RFPL3: variants seen among roughly 807,000 people sequenced by gnomAD.
The protein encoded by RFPL3 is ret finger protein-like 3.
Under a neutral mutation model 8.7 loss-of-function variants are expected in RFPL3, and 8 were observed. That is an observed-to-expected ratio of 0.92 (90% CI 0.54 to 1.66). RFPL3 has a LOEUF of 1.66. Among genes scored for constraint, RFPL3 ranks in the 40% most tolerant of loss-of-function variants. The probability of loss-of-function intolerance (pLI) is 0.00; values close to 1 mark genes in which losing one functional copy is unlikely to be tolerated. For missense variants in RFPL3, 341 were observed against 395.0 expected (o/e 0.86, Z 1.16); for synonymous variants, 145 against 150.5 (o/e 0.96, Z 0.27).
chr22:32,357,347 GT>G (rs768179168), upstream of RFPL3, among the ~76,000 whole-genome samples: 3 of 152,056 alleles, frequency 2.0e-5, no homozygotes, highest in Non-Finnish European at 4.4e-5. Context: ...TTTTTGTATT[GT>G]TTGTAGAGAT....
At chr22:32,357,249 T>C (rs1176607152), upstream of RFPL3, among the ~76,000 whole-genome samples, 3 of 151,468 alleles carry the variant, frequency 2.0e-5, no homozygotes, top group Non-Finnish European at 4.4e-5. Flanking sequence ...GGATGTAATT[T>C]TTTTTCTTTT....
chr22:32,357,722 C>T (rs1932715404), upstream of RFPL3: 16 of 462,456 alleles, frequency 3.5e-5, no homozygotes, highest in South Asian at 7.5e-4. Context: ...CCACCTTGGC[C>T]TCCCGAAGTG....
upstream of RFPL3, among the ~76,000 whole-genome samples, chr22:32,356,195 A>C (rs574335441): frequency 3.0e-4 from 46 of 152,252 alleles, no homozygotes; most frequent in African/African-American, 1.0e-3. Flanking sequence ...TTCAAGGCTA[A>C]AGAAACAGAG....
upstream of RFPL3, among the ~76,000 whole-genome samples, chr22:32,357,470 CCCT>C: frequency 7.2e-6 from 1 of 138,166 alleles, no homozygotes; most frequent in Middle Eastern, 3.8e-3. Context: ...GCATCCAGCC[CCCT>C]TTTTTTTTTT....
At position 32,360,697 on chromosome 22, in the gene RFPL3, C is replaced by G. The variant is rs61729165; in HGVS notation, c.819C>G (p.Val273=). The G allele has an allele frequency of 2.6e-6, 4 of 1,528,980 alleles. No individual in the cohort carries two copies. The highest frequency in any genetic ancestry group is 1.8e-4 in the Middle Eastern group (1 of 5,714). 94.7% of individuals were successfully genotyped at this position (1,528,980 alleles called of 1,614,324 possible). A position where few individuals can be genotyped will look rare whatever the true frequency, so the allele number is the denominator to read the frequency against. ...CCCATGTCTATACATTCAGGAGCGT[C>G]TCTGCTGAGGAGCCACTGCGCCCAT... ...SGSHVYTFRS[V]SAEEPLRPFL... Residue 273 remains valine (V), a synonymous_variant, in exon 2 of 2, where the codon GTC becomes GTG. Coordinates refer to ENST00000249007, the MANE Select transcript of RFPL3 (RefSeq NM_001098535.1).
rs1482464034 is a variant in RFPL3, at chr22:32,358,029, C to G, written c.-43C>G. On this transcript the variant is annotated 5_prime_UTR_variant, in exon 1 of 2. Coordinates refer to ENST00000249007, the MANE Select transcript of RFPL3 (RefSeq NM_001098535.1). ...GTGCTTGAGTGTTTGTACTCATGGT[C>G]TTGTTCTCGGAGTGACAAAGCTGGA... 6.3e-7 allele frequency: 1 copy of G among 1,590,792 alleles called. No individual in the cohort carries two copies. Among genetic ancestry groups the G allele is most frequent in the Admixed American group, 1.7e-5 (1 of 58,700 alleles).
At position 32,358,444 on chromosome 22, in the gene RFPL3, G is replaced by C; in HGVS notation, c.373G>C (p.Val125Leu). The change falls in exon 1 of 2, where the codon GTG (valine) becomes CTG (leucine). Residue 125 changes from valine to leucine, a missense_variant and splice_region_variant. Physicochemically the swap from Val to Leu is conservative, Grantham distance 32 (BLOSUM62 1). Coordinates refer to ENST00000249007, the MANE Select transcript of RFPL3 (RefSeq NM_001098535.1). ...GAACCCAAGGATGCGGAAGTTCCAA[G>C]GTAAGGAATCTGTATACCCTGCCCC... Reference protein sequence around the residue: ...QMNPRMRKFQVDMTLDADTAN... With the variant: ...QMNPRMRKFQLDMTLDADTAN... 3.1e-6 allele frequency: 5 copies of C among 1,612,072 alleles called. No individual in the cohort carries two copies. In the East Asian group the frequency reaches 1.1e-4, roughly 36 times the overall value.
upstream of RFPL3, chr22:32,356,970 G>C: frequency 3.9e-6 from 2 of 514,388 alleles, no homozygotes; most frequent in Non-Finnish European, 7.9e-6. Context: ...GTGACCAAGG[G>C]GGTGGCCTTG....
chr22:32,357,135 T>C (rs1365951462), upstream of RFPL3: 2 of 207,662 alleles, frequency 9.6e-6, no homozygotes, highest in South Asian at 7.1e-5. Context: ...GGGTGTGACA[T>C]GAGGTTCCTA....
chr22:32,355,902 C>T (rs548945727), upstream of RFPL3, among the ~76,000 whole-genome samples: 1 of 152,288 alleles, frequency 6.6e-6, no homozygotes, highest in South Asian at 2.1e-4. Flanking sequence ...ACCTATTACC[C>T]TCCTTGCACT....
chr22:32,358,947 T>A (rs922059861), intron 1 of RFPL3, among the ~76,000 whole-genome samples: 1 of 152,200 alleles, frequency 6.6e-6, no homozygotes, highest in Non-Finnish European at 1.5e-5. Flanking sequence ...CTATGGTGTT[T>A]GTTTCTGTGA....
At chr22:32,357,230 G>C (rs2413110), upstream of RFPL3, among the ~76,000 whole-genome samples, 13,124 of 152,056 alleles carry the variant, frequency 0.086, 990 homozygotes, top group East Asian at 0.46. Context: ...CATTTCCAAG[G>C]CTGGAGAAGG....
upstream of RFPL3, chr22:32,355,023 T>C (rs1932616162): frequency 6.6e-6 from 1 of 152,058 alleles, no homozygotes; most frequent in African/African-American, 2.4e-5. Context: ...AAGCCAGTAC[T>C]AACCAGCTAC....
chr22:32,356,855 G>C, upstream of RFPL3: 2 of 443,904 alleles, frequency 4.5e-6, no homozygotes, highest in Admixed American at 5.3e-5. Context: ...CAGGGGTGCT[G>C]TTTGCCTTCC....
chr22:32,357,120 C>G (rs990331903), upstream of RFPL3: 2 of 234,340 alleles, frequency 8.5e-6, no homozygotes, highest in African/African-American at 4.7e-5. Flanking sequence ...CACAGTGTCT[C>G]AGAAGGGTGT....
upstream of RFPL3, among the ~76,000 whole-genome samples, chr22:32,357,570 G>A (rs1039464656): frequency 7.9e-5 from 12 of 152,034 alleles, no homozygotes; most frequent in African/African-American, 2.9e-4. Flanking sequence ...AGGTTCAAGC[G>A]ATTCTCCTGC....
chr22:32,359,254 A>G (rs935387106), intron 1 of RFPL3, among the ~76,000 whole-genome samples: 1 of 152,070 alleles, frequency 6.6e-6, no homozygotes, highest in African/African-American at 2.4e-5. Flanking sequence ...TGTCCAAGTC[A>G]TGTTTGGAAC....
chr22:32,355,628 A>C (rs1374515816), upstream of RFPL3, among the ~76,000 whole-genome samples: 1 of 151,972 alleles, frequency 6.6e-6, no homozygotes, highest in Middle Eastern at 3.2e-3. Flanking sequence ...TCCCATCAAT[A>C]TTGAGGCCTT....
upstream of RFPL3, chr22:32,357,816 C>T (rs1932718414): frequency 3.0e-6 from 4 of 1,343,550 alleles, no homozygotes; most frequent in Non-Finnish European, 3.9e-6. Flanking sequence ...GCTGGGGTTC[C>T]CCTAGGAGGT....
Sources: gnomAD v4.1 joint callset for allele counts (sites outside exome capture counted in the v4.1 genomes callset) on GRCh38, gnomAD v4.1.1 for gene constraint, MANE v1.5 for transcripts, NCBI Gene and HGNC (gene_info 2026-07-23, HGNC 2026-07-21) for gene names.